Variants in MED13L observed in about 807,000 individuals in gnomAD.
MED13L encodes mediator complex subunit 13L, also known as mediator of RNA polymerase II transcription subunit 13-like.
In MED13L, 7 loss-of-function variants were observed where a neutral mutation model predicts 220.9. The observed-to-expected ratio is 0.03, with a 90% confidence interval of 0.02 to 0.06. The LOEUF (loss-of-function observed/expected upper bound fraction) is 0.06. MED13L is among the 10% of genes least tolerant of loss of function. The pLI, the probability that MED13L is intolerant of heterozygous loss-of-function variation, is 1.00. For synonymous variants in MED13L, 1,011 were observed against 1,015.2 expected (o/e 1.00, Z 0.08); for missense variants, 1,965 against 2,760.5 (o/e 0.71, Z 6.46).
intron 14 of MED13L, among the ~76,000 whole-genome samples, chr12:115,998,688 A>C (rs1256833705): frequency 6.6e-6 from 1 of 152,228 alleles, no homozygotes; most frequent in Non-Finnish European, 1.5e-5. Context: ...CCGTGTTTCT[A>C]AGTGAAACAA....
intron 4 of MED13L, among the ~76,000 whole-genome samples, chr12:116,029,408 T>C (rs953205548): frequency 2.0e-5 from 3 of 151,996 alleles, no homozygotes; most frequent in South Asian, 4.1e-4. Flanking sequence ...GGTGGCTCTA[T>C]CACTGTGCAA....
chr12:116,126,669 A>G (rs368633132), intron 2 of MED13L, among the ~76,000 whole-genome samples: 5 of 152,192 alleles, frequency 3.3e-5, no homozygotes, highest in East Asian at 3.9e-4. Flanking sequence ...ATCAAACCAA[A>G]AACCCAAAAA....
chr12:116,238,623 A>G (rs567372010), intron 1 of MED13L, among the ~76,000 whole-genome samples: 1 of 152,342 alleles, frequency 6.6e-6, no homozygotes, highest in East Asian at 1.9e-4. Flanking sequence ...CCTTCCCCAC[A>G]AGGTCAGTTA....
chr12:116,265,922 T>C (rs1361194428), intron 1 of MED13L, among the ~76,000 whole-genome samples: 2 of 152,242 alleles, frequency 1.3e-5, no homozygotes, highest in East Asian at 3.8e-4. Flanking sequence ...TCCAGTTTTA[T>C]TACTCCCCTT....
chr12:116,029,810 T>C (rs1880620821), intron 4 of MED13L, among the ~76,000 whole-genome samples: 1 of 152,186 alleles, frequency 6.6e-6, no homozygotes, highest in Admixed American at 6.5e-5. Context: ...ACATGTTTTC[T>C]AGTGTATACC....
intron 2 of MED13L, among the ~76,000 whole-genome samples, chr12:116,129,087 T>C (rs77351332): frequency 0.013 from 1,914 of 152,328 alleles, 18 homozygotes; most frequent in Non-Finnish European, 0.021. Context: ...TCATACACCA[T>C]ATTTTTGTGA....
At chr12:116,161,289 C>A (rs1429830756) in intron 2 of MED13L, among the ~76,000 whole-genome samples, 1 of 152,130 alleles carries the variant, frequency 6.6e-6, no homozygotes, top group Non-Finnish European at 1.5e-5. Flanking sequence ...CACTGACCTC[C>A]TTCTCCCACA....
intron 1 of MED13L, among the ~76,000 whole-genome samples, chr12:116,271,667 C>T (rs1873364358): frequency 6.6e-6 from 1 of 151,488 alleles, no homozygotes; most frequent in Non-Finnish European, 1.5e-5. Context: ...AACAGAAATT[C>T]TGGTGGCCAA....
intron 2 of MED13L, among the ~76,000 whole-genome samples, chr12:116,166,573 G>A (rs2138162270): frequency 1.3e-5 from 2 of 152,268 alleles, no homozygotes; most frequent in East Asian, 3.9e-4. Context: ...AACAGAGCAA[G>A]ACTCTGTCAT....
At chr12:116,190,799 T>C (rs928247588) in intron 2 of MED13L, among the ~76,000 whole-genome samples, 7 of 152,106 alleles carry the variant, frequency 4.6e-5, no homozygotes, top group African/African-American at 1.7e-4. Context: ...GTTGCTTACC[T>C]TGAGGACTGG....
intron 2 of MED13L, among the ~76,000 whole-genome samples, chr12:116,148,051 CAAAAAAAAAAA>C (rs10678970): frequency 1.1e-4 from 2 of 18,140 alleles, no homozygotes; most frequent in South Asian, 3.1e-3. Context: ...GACCCCATCT[CAAAAAAAAAAA>C]AAAAAAAAAA....
At chr12:116,189,265 T>G (rs1479910261) in intron 2 of MED13L, among the ~76,000 whole-genome samples, 1 of 152,184 alleles carries the variant, frequency 6.6e-6, no homozygotes, top group East Asian at 1.9e-4. Context: ...TAAAAACTAA[T>G]GATGCTGAAC....
At chr12:115,974,646 A>G (rs1419890125) in intron 25 of MED13L, among the ~76,000 whole-genome samples, 2 of 152,230 alleles carry the variant, frequency 1.3e-5, no homozygotes, top group African/African-American at 4.8e-5. Flanking sequence ...GTAAGCTTCC[A>G]GGCTCAAGAA....
At chr12:116,142,876 C>T (rs1877199886) in intron 2 of MED13L, among the ~76,000 whole-genome samples, 1 of 152,134 alleles carries the variant, frequency 6.6e-6, no homozygotes, top group Non-Finnish European at 1.5e-5. Context: ...AAATTTAAAA[C>T]TATTCTTACA....
At position 116,237,541 on chromosome 12, in the gene MED13L, A is replaced by C. The variant is rs765533860; in HGVS notation, c.237T>G (p.Asp79Glu). The C allele has an allele frequency of 5.6e-6, 9 of 1,614,176 alleles. No individual in the cohort carries two copies. The highest frequency in any genetic ancestry group is 7.6e-6 in the Non-Finnish European group (9 of 1,180,042). The change falls in exon 2 of 31, where the codon GAT becomes GAG. Residue 79 changes from aspartate (D) to glutamate (E), a missense_variant. Coordinates refer to ENST00000281928, the MANE Select transcript of MED13L (RefSeq NM_015335.5). ...ACCAGAATATCCATAACTCTTTGCA[A>C]TCTGGTTTGACATCACGACGCCATA... ...LCVWRRDVKPDCKELWIFWWG... is the reference protein window; with the variant it reads ...LCVWRRDVKPECKELWIFWWG...
intron 15 of MED13L, 97 bp from the exon 16 acceptor site, chr12:115,996,778 T>A: frequency 3.4e-6 from 4 of 1,178,806 alleles, no homozygotes. Flanking sequence ...ACCAAAATGA[T>A]CGTATTTCAG....
chr12:116,244,090 G>A (rs918419744), intron 1 of MED13L, among the ~76,000 whole-genome samples: 1 of 152,164 alleles, frequency 6.6e-6, no homozygotes, highest in Non-Finnish European at 1.5e-5. Flanking sequence ...AGGATTCTAG[G>A]CTGGTGTATA....
At chr12:116,028,388 C>A (rs368537562) in intron 4 of MED13L, among the ~76,000 whole-genome samples, 6 of 152,096 alleles carry the variant, frequency 3.9e-5, no homozygotes, top group Non-Finnish European at 8.8e-5. Context: ...ATTTCATATA[C>A]TTTCATTAAA....
rs748173676 is a variant in MED13L at position 116,008,670 on chromosome 12, G to C, written c.1743C>G (p.Ala581=). 1 of 1,614,002 alleles carries C rather than the reference G, an allele frequency of 6.2e-7. No individual in the cohort carries two copies. The highest frequency in any genetic ancestry group is 8.5e-7 in the Non-Finnish European group (1 of 1,180,004). Residue 581 remains alanine (A), a synonymous_variant, in exon 10 of 31, where the codon GCC becomes GCG. Coordinates refer to ENST00000281928, the MANE Select transcript of MED13L (RefSeq NM_015335.5). The part of the protein sequence containing the change: ...LDPPSVPVNP[A]LYGNGLELQQ... ...GGAGTTCTAGTCCATTTCCATAAAG[G>C]GCTGGATTCACAGGGACCGATGGTG...
Sources: gnomAD v4.1 joint callset for allele counts (sites outside exome capture counted in the v4.1 genomes callset) on GRCh38, gnomAD v4.1.1 for gene constraint, MANE v1.5 for transcripts, NCBI Gene and HGNC (gene_info 2026-07-23, HGNC 2026-07-21) for gene names.